SPEF2: variants seen among roughly 807,000 people sequenced by gnomAD.
SPEF2 encodes sperm flagellar and cilia associated 2.
A neutral mutation model predicts 224.6 loss-of-function variants in SPEF2; 187 were observed. The observed-to-expected ratio is 0.83, with a 90% CI of 0.74 to 0.94. The LOEUF is 0.94. Ranked by LOEUF, SPEF2 falls within the 40% of genes least tolerant of loss-of-function variation. The probability of loss-of-function intolerance (pLI) is 0.00; values close to 1 mark genes in which losing one functional copy is unlikely to be tolerated. For synonymous variants in SPEF2, 715 were observed against 707.3 expected, an observed-to-expected ratio of 1.01 and a Z score of -0.17; for missense variants, 2,170 against 2,135.6, an observed-to-expected ratio of 1.02 and a Z score of -0.32.
intron 33 of SPEF2, among the ~76,000 whole-genome samples, chr5:35,797,988 C>G (rs763432824): frequency 6.6e-6 from 1 of 152,126 alleles, no homozygotes; most frequent in Non-Finnish European, 1.5e-5. Context: ...CAGTTCCTCT[C>G]TTCTCTCAAA....
intron 2 of SPEF2, among the ~76,000 whole-genome samples, chr5:35,630,234 T>A (rs1357791337): frequency 6.6e-6 from 1 of 152,118 alleles, no homozygotes; most frequent in Admixed American, 6.5e-5. Context: ...AAGCTGTCGG[T>A]GGATCTACCA....
intron 20 of SPEF2, among the ~76,000 whole-genome samples, chr5:35,726,720 G>A (rs544015174): frequency 6.6e-6 from 1 of 152,304 alleles, no homozygotes; most frequent in Admixed American, 6.5e-5. Context: ...ACAGGTGTCT[G>A]TAAACTGCAT....
Position 35,670,219 on chromosome 5 carries a change from G to T in SPEF2, c.1516G>T (p.Glu506Ter). Residue 506 changes from glutamate (E) to a stop codon, truncating the protein, a stop_gained, in exon 10 of 37, where the codon GAA becomes TAA. Transcript: ENST00000356031. LOFTEE classifies it high-confidence loss of function. ...CTTGCTAGATACCAATGATTATGAAGAATATAAGGTACCTACTGATATGAA... is the reference window on the plus strand; with the variant it reads ...CTTGCTAGATACCAATGATTATGAATAATATAAGGTACCTACTGATATGAA... ...RDLLDTNDYEEYKNMVGEWAL... is the reference protein window; with the variant it reads ...RDLLDTNDYE The T allele has an allele frequency of 1.9e-6, 3 of 1,605,514 alleles. No individual in the cohort carries two copies. The highest frequency in any genetic ancestry group is 1.1e-5 in the South Asian group (1 of 89,338).
chr5:35,734,869 G>A (rs1746309217), intron 21 of SPEF2, among the ~76,000 whole-genome samples: 1 of 151,574 alleles, frequency 6.6e-6, no homozygotes, highest in East Asian at 1.9e-4. Flanking sequence ...ATGCCACCAC[G>A]CCTGGCTAAT....
Position 35,740,218 on chromosome 5 carries a change from A to T in SPEF2, c.3281A>T (p.Asp1094Val). 1 of 1,614,084 alleles carries T rather than the reference A, an allele frequency of 6.2e-7. No individual in the cohort carries two copies. ...WQADFNSLPDDLWDDEETKAE... is the reference protein window; with the variant it reads ...WQADFNSLPDVLWDDEETKAE... ...GCTGATTTCAACTCCCTTCCTGATG[A>T]CCTGTGGGATGATGAGGAAACAAAG... Residue 1094 changes from aspartate to valine, a missense_variant, in exon 23 of 37, where the codon GAC becomes GTC. Coordinates refer to ENST00000356031, the MANE Select transcript of SPEF2 (RefSeq NM_024867.4).
chr5:35,663,553 A>T (rs2149461348), intron 8 of SPEF2, among the ~76,000 whole-genome samples: 1 of 152,238 alleles, frequency 6.6e-6, no homozygotes, highest in Middle Eastern at 3.4e-3. Context: ...ACTGAGTGTT[A>T]TCATTTTCAT....
At chr5:35,774,169 T>C in intron 28 of SPEF2, 148 bp downstream of exon 28, 1 of 1,143,770 alleles carries the variant, frequency 8.7e-7, no homozygotes, top group Non-Finnish European at 1.2e-6. Flanking sequence ...CAGTTGACTG[T>C]TTTCGTTTGA....
chr5:35,720,693 T>G (rs1279365495), intron 20 of SPEF2, among the ~76,000 whole-genome samples: 1 of 152,164 alleles, frequency 6.6e-6, no homozygotes, highest in African/African-American at 2.4e-5. Context: ...TTTTAGAAAT[T>G]TTATACAGTT....
At chr5:35,661,012 G>T (rs1186667281) in intron 8 of SPEF2, among the ~76,000 whole-genome samples, 2 of 151,878 alleles carry the variant, frequency 1.3e-5, no homozygotes, top group Non-Finnish European at 2.9e-5. Flanking sequence ...CTTAGAGATG[G>T]TTGGATTTTA....
intron 20 of SPEF2, among the ~76,000 whole-genome samples, chr5:35,726,823 A>G (rs1344494259): frequency 6.6e-6 from 1 of 152,222 alleles, no homozygotes; most frequent in East Asian, 1.9e-4. Context: ...AGGGAATATT[A>G]GTGCTCTCTG....
At chr5:35,794,304 A>G (rs1218776360) in intron 32 of SPEF2, among the ~76,000 whole-genome samples, 1 of 152,248 alleles carries the variant, frequency 6.6e-6, no homozygotes, top group African/African-American at 2.4e-5. Flanking sequence ...ACTTTGAAAC[A>G]GAGTAATACT....
intron 36 of SPEF2, chr5:35,807,882 G>A: frequency 6.8e-7 from 1 of 1,469,414 alleles, no homozygotes; most frequent in Non-Finnish European, 9.0e-7. Flanking sequence ...AGGGACTAAG[G>A]AGGGCAGAGG....
At chr5:35,701,725 C>T (rs1240228244) in intron 16 of SPEF2, among the ~76,000 whole-genome samples, 1 of 152,078 alleles carries the variant, frequency 6.6e-6, no homozygotes, top group East Asian at 1.9e-4. Flanking sequence ...TCAGCTGAGA[C>T]AATTTCCACA....
intron 21 of SPEF2, among the ~76,000 whole-genome samples, chr5:35,728,519 T>C (rs1436758659): frequency 3.9e-5 from 6 of 152,214 alleles, no homozygotes; most frequent in Non-Finnish European, 8.8e-5. Flanking sequence ...TGATCTCTTA[T>C]TCTGATGAAC....
At chr5:35,632,176 T>C (rs1253109332) in intron 2 of SPEF2, among the ~76,000 whole-genome samples, 1 of 152,216 alleles carries the variant, frequency 6.6e-6, no homozygotes, top group South Asian at 2.1e-4. Flanking sequence ...CCGGTACCAA[T>C]TTACTGTATT....
intron 29 of SPEF2, among the ~76,000 whole-genome samples, chr5:35,778,444 G>T (rs1233659235): frequency 6.6e-6 from 1 of 152,118 alleles, no homozygotes; most frequent in Non-Finnish European, 1.5e-5. Flanking sequence ...AGTGTCCTAG[G>T]ATGAGAACTC....
At chr5:35,695,614 G>A in intron 13 of SPEF2, 121 bp from the exon 14 acceptor site, 1 of 640,056 alleles carries the variant, frequency 1.6e-6, no homozygotes, top group Admixed American at 3.2e-5. Flanking sequence ...CTTCCTCTGA[G>A]CATCTCAGGC....
At chr5:35,687,561 T>G (rs557855189) in intron 10 of SPEF2, among the ~76,000 whole-genome samples, 1 of 152,270 alleles carries the variant, frequency 6.6e-6, no homozygotes, top group Non-Finnish European at 1.5e-5. Context: ...TTCACCATGT[T>G]GGTCAGGCTG....
At chr5:35,658,068 T>A (rs1382269991) in intron 7 of SPEF2, among the ~76,000 whole-genome samples, 1 of 152,208 alleles carries the variant, frequency 6.6e-6, no homozygotes, top group African/African-American at 2.4e-5. Flanking sequence ...AGATACCTCC[T>A]CTTTCCACAT....
Sources: gnomAD v4.1 joint callset for allele counts (sites outside exome capture counted in the v4.1 genomes callset) on GRCh38, gnomAD v4.1.1 for gene constraint, MANE v1.5 for transcripts, NCBI Gene and HGNC (gene_info 2026-07-23, HGNC 2026-07-21) for gene names.